Variants in KCNH1 observed in about 807,000 individuals in gnomAD.
KCNH1 encodes potassium voltage-gated channel subfamily H member 1.
A neutral mutation model predicts 69.2 loss-of-function variants in KCNH1; 27 were observed. That is an observed-to-expected ratio of 0.39 (90% CI 0.29 to 0.54). The LOEUF (loss-of-function observed/expected upper bound fraction) is 0.54. Ranked by LOEUF, KCNH1 falls within the 20% of genes least tolerant of loss-of-function variation. The pLI, the probability that KCNH1 is intolerant of heterozygous loss-of-function variation, is 0.68. For missense variants in KCNH1, 798 were observed against 1,261.6 expected (o/e 0.63, Z 5.57); for synonymous variants, 456 against 487.7 (o/e 0.93, Z 0.86).
At chr1:210,774,346 T>A (rs779327576) in intron 10 of KCNH1, among the ~76,000 whole-genome samples, 1 of 152,006 alleles carries the variant, frequency 6.6e-6, no homozygotes, top group African/African-American at 2.4e-5. Context: ...GAGAATTCTG[T>A]GGGGGCCTTG....
chr1:211,066,048 G>T (rs1050890346), intron 5 of KCNH1, among the ~76,000 whole-genome samples: 36 of 152,074 alleles, frequency 2.4e-4, no homozygotes, highest in African/African-American at 8.7e-4. Flanking sequence ...AGCAGAGTGA[G>T]CTCTTGTCTT....
rs199652096 is a variant in KCNH1, at chr1:211,133,868, A to G, written c.78T>C (p.Asn26=). The G allele has an allele frequency of 1.4e-5, 23 of 1,609,606 alleles. No homozygotes were observed. In the African/African-American group the frequency reaches 2.9e-4, roughly 21 times the overall value. ...TCGAAATCCGAATGCACCTCTTACC[A>G]TTGGACCGCCGAACAATATTCTCCA... ...TFLENIVRRS[N]DTNFVLGNAQ... The change falls in exon 1 of 11, where the codon AAT becomes AAC. Residue 26 remains asparagine (N), a splice_region_variant and synonymous_variant. Transcript: ENST00000271751. This position sits in a 1 kb window ranked among gnomAD's most constrained non-coding sequence, Gnocchi z 5.4.
chr1:210,824,763 G>A (rs1685001858), intron 7 of KCNH1, among the ~76,000 whole-genome samples: 1 of 152,318 alleles, frequency 6.6e-6, no homozygotes, highest in Non-Finnish European at 1.5e-5. Flanking sequence ...GTTGTAGTGT[G>A]AAATCTGAAA....
chr1:210,744,338 T>C (rs1683099604), intron 10 of KCNH1, among the ~76,000 whole-genome samples: 1 of 152,198 alleles, frequency 6.6e-6, no homozygotes, highest in Non-Finnish European at 1.5e-5. Context: ...CAGAATCACA[T>C]GCAGGGCTTG....
At chr1:210,976,738 C>T (rs1318990916) in intron 6 of KCNH1, among the ~76,000 whole-genome samples, 8 of 145,606 alleles carry the variant, frequency 5.5e-5, no homozygotes, top group Admixed American at 1.4e-4. Context: ...ATTAAGAATA[C>T]GTGGCACATA....
At chr1:210,951,619 T>C (rs1378577825) in intron 6 of KCNH1, among the ~76,000 whole-genome samples, 1 of 152,206 alleles carries the variant, frequency 6.6e-6, no homozygotes, top group African/African-American at 2.4e-5. Flanking sequence ...TCCTCAGGCA[T>C]AGAAAAACGT....
At chr1:210,815,532 T>A (rs1340106839) in intron 7 of KCNH1, among the ~76,000 whole-genome samples, 1 of 152,160 alleles carries the variant, frequency 6.6e-6, no homozygotes, top group Non-Finnish European at 1.5e-5. Flanking sequence ...TATTTTTTTC[T>A]CTTTCCCCAC....
intron 6 of KCNH1, among the ~76,000 whole-genome samples, chr1:210,963,486 C>A (rs974239811): frequency 6.6e-6 from 1 of 152,032 alleles, no homozygotes; most frequent in African/African-American, 2.4e-5. Flanking sequence ...ATAACAAACT[C>A]CTCTGAGCTA....
intron 5 of KCNH1, among the ~76,000 whole-genome samples, chr1:211,033,328 G>GGT (rs1281656139): frequency 2.0e-5 from 3 of 152,160 alleles, no homozygotes; most frequent in African/African-American, 4.8e-5. Context: ...ACTGTAAACT[G>GGT]GTTCAACCAT....
At chr1:211,083,025 T>C (rs766011379) in intron 4 of KCNH1, 127 bp from the exon 5 acceptor site, 328 of 712,144 alleles carry the variant, frequency 4.6e-4, no homozygotes, top group Middle Eastern at 7.4e-4. Flanking sequence ...CATGAGTCAC[T>C]CTGCATCCCT....
chr1:210,702,860 T>C (rs1371829019), intron 10 of KCNH1, among the ~76,000 whole-genome samples: 1 of 152,218 alleles, frequency 6.6e-6, no homozygotes, highest in Non-Finnish European at 1.5e-5. Flanking sequence ...CTACATCAGT[T>C]ACCTTTCCTC....
intron 7 of KCNH1, among the ~76,000 whole-genome samples, chr1:210,911,735 T>C (rs1687236423): frequency 6.6e-6 from 1 of 152,190 alleles, no homozygotes; most frequent in African/African-American, 2.4e-5. Context: ...TTAAAGCTTC[T>C]GAACATCTAA....
intron 6 of KCNH1, among the ~76,000 whole-genome samples, chr1:211,001,925 C>T (rs1689187227): frequency 6.6e-6 from 1 of 151,502 alleles, no homozygotes. Context: ...AAAAACCAAA[C>T]ACCACATGTT....
At chr1:210,693,408 G>A (rs569580278) in intron 10 of KCNH1, among the ~76,000 whole-genome samples, 17 of 152,312 alleles carry the variant, frequency 1.1e-4, no homozygotes, top group African/African-American at 3.6e-4. Context: ...AGGTGAAGTA[G>A]ATAATCAGGC....
chr1:211,123,193 C>A (rs928804411), intron 1 of KCNH1, among the ~76,000 whole-genome samples: 3 of 152,182 alleles, frequency 2.0e-5, no homozygotes, highest in African/African-American at 7.2e-5. Flanking sequence ...GTCCTACCCC[C>A]TCCACCCAGG....
At chr1:210,713,023 G>C (rs2149018430) in intron 10 of KCNH1, among the ~76,000 whole-genome samples, 1 of 152,202 alleles carries the variant, frequency 6.6e-6, no homozygotes, top group South Asian at 2.1e-4. Context: ...CATCAGGAGG[G>C]GTGCTATTGT....
At chr1:210,968,857 A>T (rs1688461628) in intron 6 of KCNH1, among the ~76,000 whole-genome samples, 1 of 151,988 alleles carries the variant, frequency 6.6e-6, no homozygotes, top group Non-Finnish European at 1.5e-5. Context: ...TCTTGTTCTC[A>T]ATTTTAAATA....
Position 210,869,484 on chromosome 1 carries a change from CGTGTGTGTGT to C in KCNH1, c.1462+50146_1462+50155del, listed in dbSNP as rs61235458. ...ACTGATTTTTCTCCTAGTTATAAGT[CGTGTGTGTGT>C]GTGTGTGTGTGTGTGTGTGTGTGTG... On this transcript the variant is annotated intron_variant, in intron 7 of 10. Transcript: ENST00000271751. Among the ~76,000 whole-genome samples, 1,085 of 136,902 alleles carry C rather than the reference CGTGTGTGTGT, an allele frequency of 7.9e-3. 9 individuals carry two copies. The highest frequency in any genetic ancestry group is 0.022 in the Middle Eastern group (6 of 268). The allele number at this position is 136,902 out of a possible 152,430, so 89.8% of individuals were successfully genotyped here.
chr1:210,929,019 C>T (rs535429373), intron 6 of KCNH1, among the ~76,000 whole-genome samples: 3 of 151,984 alleles, frequency 2.0e-5, no homozygotes, highest in Non-Finnish European at 2.9e-5. Flanking sequence ...TAACAAGTAG[C>T]GAGATTGAAA....
Sources: allele counts gnomAD v4.1 joint callset (sites outside exome capture counted in the v4.1 genomes callset), GRCh38; gene constraint gnomAD v4.1.1; non-coding constraint Gnocchi (gnomAD v3.1); transcripts MANE v1.5; gene names NCBI Gene and HGNC (gene_info 2026-07-23, HGNC 2026-07-21).